The following LDB2 variants were observed in gnomAD, a reference collection of about 807,000 sequenced individuals.
The protein encoded by LDB2 is LIM domain binding 2.
A neutral mutation model predicts 44.3 loss-of-function variants in LDB2; 12 were observed. The observed-to-expected ratio is 0.27, with a 90% confidence interval of 0.17 to 0.44. The LOEUF is 0.44. LDB2 is among the 20% of genes least tolerant of loss of function. The pLI is 1.00. For synonymous variants in LDB2, 164 were observed against 174.8 expected, an observed-to-expected ratio of 0.94 and a Z score of 0.49; for missense variants, 344 against 473.5, an observed-to-expected ratio of 0.73 and a Z score of 2.54.
intron 1 of LDB2, among the ~76,000 whole-genome samples, chr4:16,805,680 GT>G (rs1278536164): frequency 2.0e-5 from 3 of 152,198 alleles, no homozygotes; most frequent in Non-Finnish European, 2.9e-5. Context: ...CCACTACCTT[GT>G]TCTCAGGAGA....
intron 2 of LDB2, among the ~76,000 whole-genome samples, chr4:16,709,701 A>T (rs1321527885): frequency 6.6e-6 from 1 of 152,226 alleles, no homozygotes; most frequent in Non-Finnish European, 1.5e-5. Context: ...ACCATTTTAC[A>T]TTAAAAGATT....
chr4:16,628,319 T>C (rs1730868164), intron 2 of LDB2, among the ~76,000 whole-genome samples: 1 of 152,022 alleles, frequency 6.6e-6, no homozygotes, highest in South Asian at 2.1e-4. Context: ...CCCCAAAAGC[T>C]CCCAACAGGA....
chr4:16,841,721 T>A (rs1460710178), intron 1 of LDB2, among the ~76,000 whole-genome samples: 2 of 152,204 alleles, frequency 1.3e-5, no homozygotes, highest in African/African-American at 4.8e-5. Flanking sequence ...ATATCAGTTG[T>A]TGTGCTGGAA....
chr4:16,571,586 G>C (rs1246431355), intron 5 of LDB2, among the ~76,000 whole-genome samples: 1 of 152,188 alleles, frequency 6.6e-6, no homozygotes, highest in African/African-American at 2.4e-5. Flanking sequence ...TGTAATCCCA[G>C]CCTGGCGGTT....
intron 2 of LDB2, among the ~76,000 whole-genome samples, chr4:16,639,085 A>G (rs905562052): frequency 2.0e-5 from 3 of 152,218 alleles, no homozygotes; most frequent in African/African-American, 7.2e-5. Flanking sequence ...AAAGTTTGAG[A>G]GCTTTTATAA....
chr4:16,857,688 T>G lies in LDB2; in HGVS notation c.132+40666A>C, dbSNP rs558117723. Among the ~76,000 whole-genome samples, 7 of 152,332 alleles carry G rather than the reference T, an allele frequency of 4.6e-5. No individual in the cohort carries two copies. In the South Asian group the frequency reaches 6.2e-4, roughly 14 times the overall value. On this transcript the variant is annotated intron_variant, in intron 1 of 7. Transcript: ENST00000304523. ...GCAGTGGCTCTTCCCTTTGCCTGGATGCTCTTCCTCGAAATGTTGGCAAGC... is the reference window on the plus strand; with the variant it reads ...GCAGTGGCTCTTCCCTTTGCCTGGAGGCTCTTCCTCGAAATGTTGGCAAGC...
chr4:16,837,927 C>T (rs1006463413), intron 1 of LDB2, among the ~76,000 whole-genome samples: 1 of 152,192 alleles, frequency 6.6e-6, no homozygotes, highest in Non-Finnish European at 1.5e-5. Flanking sequence ...GGTGCACATG[C>T]ACTGAATTCT....
intron 5 of LDB2, among the ~76,000 whole-genome samples, chr4:16,565,871 G>T (rs879445091): frequency 3.3e-5 from 5 of 151,738 alleles, no homozygotes; most frequent in Non-Finnish European, 5.9e-5. Context: ...GGAAGAAAAG[G>T]CCCAATTTGT....
At chr4:16,641,689 A>G (rs909251311) in intron 2 of LDB2, among the ~76,000 whole-genome samples, 2 of 152,140 alleles carry the variant, frequency 1.3e-5, no homozygotes, top group Non-Finnish European at 2.9e-5. Context: ...ACCCGCCCCC[A>G]AGACCCAATC....
intron 2 of LDB2, among the ~76,000 whole-genome samples, chr4:16,755,472 G>GGGGT (rs1412312264): frequency 1.7e-5 from 2 of 118,242 alleles, no homozygotes; most frequent in Admixed American, 9.0e-5. Context: ...GTAGGAATAG[G>GGGGT]GTGTGTGTGT....
At chr4:16,834,873 G>A (rs1000389677) in intron 1 of LDB2, among the ~76,000 whole-genome samples, 5 of 151,130 alleles carry the variant, frequency 3.3e-5, no homozygotes, top group Non-Finnish European at 4.4e-5. Context: ...AGGCTCTGTC[G>A]TGTTCACTAT....
At chr4:16,714,316 C>A (rs1756571224) in intron 2 of LDB2, among the ~76,000 whole-genome samples, 1 of 152,224 alleles carries the variant, frequency 6.6e-6, no homozygotes, top group African/African-American at 2.4e-5. Flanking sequence ...TACATACATG[C>A]TCAACTCAGC....
chr4:16,576,044 CAA>C (rs1261011031), intron 5 of LDB2, among the ~76,000 whole-genome samples: 2 of 152,170 alleles, frequency 1.3e-5, no homozygotes, highest in Non-Finnish European at 2.9e-5. Flanking sequence ...TCTTTTAAAA[CAA>C]ATGATAATAG....
chr4:16,591,049 G>A (rs986484777), intron 3 of LDB2, among the ~76,000 whole-genome samples: 2 of 152,190 alleles, frequency 1.3e-5, no homozygotes, highest in Non-Finnish European at 2.9e-5. Flanking sequence ...ACAGTGAAGT[G>A]TCTTGACAAA....
chr4:16,656,441 C>T (rs746071432), intron 2 of LDB2, among the ~76,000 whole-genome samples: 2 of 152,280 alleles, frequency 1.3e-5, no homozygotes, highest in African/African-American at 2.4e-5. Flanking sequence ...CTGTCCAATA[C>T]GCCAGCCACC....
intron 2 of LDB2, among the ~76,000 whole-genome samples, chr4:16,730,981 A>G (rs1189356079): frequency 6.6e-6 from 1 of 152,206 alleles, no homozygotes; most frequent in African/African-American, 2.4e-5. Context: ...CAAGGGAAAA[A>G]CAGAGTTAGG....
At position 16,585,932 on chromosome 4, in the gene LDB2, T is replaced by C. The variant is rs1465410061; in HGVS notation, c.605A>G (p.Asn202Ser). 7 of 1,612,332 alleles carry C rather than the reference T, an allele frequency of 4.3e-6. No homozygotes were observed. The highest frequency in any genetic ancestry group is 5.9e-6 in the Non-Finnish European group (7 of 1,178,364). ...TRMGLTNFTL[N>S]YLRLCVILEP... Reference sequence around the variant, plus strand: ...TTCGATTGATCTTACCCTGAGGTAGTTGAGGGTGAAGTTTGTTAGCCCCAT... The same window carrying C: ...TTCGATTGATCTTACCCTGAGGTAGCTGAGGGTGAAGTTTGTTAGCCCCAT... The change falls in exon 5 of 8, where the codon AAC (asparagine) becomes AGC (serine). Residue 202 changes from asparagine (N) to serine (S), a missense_variant. Physicochemically the swap from Asn to Ser is conservative, Grantham distance 46. Coordinates refer to ENST00000304523, the MANE Select transcript of LDB2 (RefSeq NM_001290.5).
At chr4:16,679,010 G>A (rs1360558573) in intron 2 of LDB2, among the ~76,000 whole-genome samples, 1 of 152,146 alleles carries the variant, frequency 6.6e-6, no homozygotes, top group Non-Finnish European at 1.5e-5. Flanking sequence ...CAAAGTCCCT[G>A]ACCTCATTGT....
intron 1 of LDB2, among the ~76,000 whole-genome samples, chr4:16,861,904 TGCTCAAGA>T (rs1712714487): frequency 6.6e-6 from 1 of 152,210 alleles, no homozygotes; most frequent in South Asian, 2.1e-4. Flanking sequence ...ACTCCCTAGG[TGCTCAAGA>T]GCTATTAGTG....
Sources: gnomAD v4.1 joint callset for allele counts (sites outside exome capture counted in the v4.1 genomes callset) on GRCh38, gnomAD v4.1.1 for gene constraint, MANE v1.5 for transcripts, NCBI Gene and HGNC (gene_info 2026-07-23, HGNC 2026-07-21) for gene names.